Variants in CNTNAP2 observed in about 807,000 individuals in gnomAD.
CNTNAP2 encodes contactin associated protein 2.
Under a neutral mutation model 155.2 loss-of-function variants are expected in CNTNAP2, and 98 were observed. That is an observed-to-expected ratio of 0.63 (90% CI 0.54 to 0.75). CNTNAP2 has a LOEUF of 0.75. Among genes scored for constraint, CNTNAP2 ranks in the 30% least tolerant of loss-of-function variants. CNTNAP2 has a pLI of 0.00. For missense variants in CNTNAP2, 1,727 were observed against 1,688.1 expected, an observed-to-expected ratio of 1.02 and a Z score of -0.40; for synonymous variants, 651 against 631.2, an observed-to-expected ratio of 1.03 and a Z score of -0.47.
chr7:146,975,789 A>G (rs1281298591), intron 3 of CNTNAP2, among the ~76,000 whole-genome samples: 1 of 152,210 alleles, frequency 6.6e-6, no homozygotes, highest in African/African-American at 2.4e-5. Context: ...TAGACATTTC[A>G]GATATTTTAG....
intron 4 of CNTNAP2, among the ~76,000 whole-genome samples, chr7:147,066,521 T>A (rs1435400404): frequency 6.6e-6 from 1 of 152,246 alleles, no homozygotes. Flanking sequence ...TTGGATTTTA[T>A]AAATTCTATT....
chr7:147,950,910 T>C (rs972509051), intron 14 of CNTNAP2, among the ~76,000 whole-genome samples: 8 of 152,226 alleles, frequency 5.3e-5, no homozygotes, highest in African/African-American at 1.9e-4. Context: ...CTTATCTGTC[T>C]CTTCACTTTT....
intron 10 of CNTNAP2, among the ~76,000 whole-genome samples, chr7:147,477,489 G>A (rs1400460633): frequency 3.9e-5 from 6 of 151,926 alleles, no homozygotes; most frequent in Admixed American, 3.9e-4. Context: ...AATAGCTGTT[G>A]AGTTTATTTT....
In CNTNAP2 at chr7:147,627,711, AAAAG is replaced by A. The variant is rs1443122541; in HGVS notation, c.1898-11393_1898-11390del. Among the ~76,000 whole-genome samples, 733 of 143,348 alleles carry A rather than the reference AAAAG, an allele frequency of 5.1e-3. 8 individuals carry two copies. Among genetic ancestry groups the A allele is most frequent in the African/African-American group, 0.019 (689 of 37,212 alleles). 94.0% of individuals were successfully genotyped at this position (143,348 alleles called of 152,430 possible). A position where few individuals can be genotyped will look rare whatever the true frequency, so the allele number is the denominator to read the frequency against. ...TGTCTCAAAAAAAAAAAAAAAAAAA[AAAAG>A]ATATTAAAACAAAATACAGGATATG... On this transcript the variant is annotated intron_variant, in intron 12 of 23. Coordinates refer to ENST00000361727, the MANE Select transcript of CNTNAP2 (RefSeq NM_014141.6).
chr7:146,380,736 G>A (rs1023777336), intron 1 of CNTNAP2, among the ~76,000 whole-genome samples: 1 of 122,934 alleles, frequency 8.1e-6, no homozygotes, highest in African/African-American at 2.9e-5. Flanking sequence ...AAGTACATAT[G>A]TTACTAACTT....
intron 1 of CNTNAP2, among the ~76,000 whole-genome samples, chr7:146,272,537 C>A (rs1358277774): frequency 2.0e-5 from 3 of 152,170 alleles, no homozygotes; most frequent in Non-Finnish European, 4.4e-5. Context: ...GAAGTCCAAG[C>A]ACGGCTTTTT....
chr7:146,351,149 T>C (rs1398926982), intron 1 of CNTNAP2, among the ~76,000 whole-genome samples: 1 of 151,808 alleles, frequency 6.6e-6, no homozygotes, highest in East Asian at 1.9e-4. Flanking sequence ...CTGCACATTG[T>C]GCACATGTAC....
intron 21 of CNTNAP2, among the ~76,000 whole-genome samples, chr7:148,279,112 A>T (rs925660080): frequency 2.0e-5 from 3 of 152,260 alleles, no homozygotes; most frequent in Admixed American, 6.5e-5. Context: ...ATTTTATTCT[A>T]AATGAGATGA....
chr7:147,536,186 C>A (rs1358279134), intron 11 of CNTNAP2, among the ~76,000 whole-genome samples: 1 of 152,198 alleles, frequency 6.6e-6, no homozygotes, highest in Non-Finnish European at 1.5e-5. Flanking sequence ...ATTTTAAAAT[C>A]AATTCCTCCT....
intron 7 of CNTNAP2, among the ~76,000 whole-genome samples, chr7:147,130,648 A>T (rs964473985): frequency 5.3e-5 from 8 of 152,150 alleles, no homozygotes; most frequent in African/African-American, 9.7e-5. Context: ...AACCCTGCAA[A>T]GACAAGTGTT....
chr7:146,267,917 T>C (rs1800020609), intron 1 of CNTNAP2, among the ~76,000 whole-genome samples: 1 of 152,156 alleles, frequency 6.6e-6, no homozygotes. Flanking sequence ...ATTCATTTGA[T>C]CAATAAACAT....
chr7:147,147,178 C>T (rs1054259081), intron 8 of CNTNAP2, among the ~76,000 whole-genome samples: 1 of 151,946 alleles, frequency 6.6e-6, no homozygotes, highest in Non-Finnish European at 1.5e-5. Context: ...GGGGAAAGAC[C>T]CCCTTATAAA....
chr7:148,244,684 T>C (rs1357879088), intron 20 of CNTNAP2, among the ~76,000 whole-genome samples: 2 of 151,780 alleles, frequency 1.3e-5, no homozygotes, highest in East Asian at 1.9e-4. Flanking sequence ...TGCCTCAGCC[T>C]CCCGAGTAGC....
At chr7:146,921,053 G>C (rs1352229766) in intron 3 of CNTNAP2, among the ~76,000 whole-genome samples, 1 of 152,142 alleles carries the variant, frequency 6.6e-6, no homozygotes, top group Non-Finnish European at 1.5e-5. Context: ...CATGTTGTAT[G>C]ATTCCATGAA....
At chr7:147,112,773 A>G (rs994335991) in intron 5 of CNTNAP2, among the ~76,000 whole-genome samples, 14 of 152,168 alleles carry the variant, frequency 9.2e-5, no homozygotes, top group African/African-American at 3.4e-4. Flanking sequence ...TCAGTTTGCC[A>G]TAACTTTGTT....
At chr7:148,127,927 T>TG (rs1250528946) in intron 16 of CNTNAP2, among the ~76,000 whole-genome samples, 1 of 152,172 alleles carries the variant, frequency 6.6e-6, no homozygotes, top group Admixed American at 6.5e-5. Flanking sequence ...TGGAGTGCAG[T>TG]GGTGCAATCT....
At chr7:147,299,422 T>C (rs1794900361) in intron 8 of CNTNAP2, among the ~76,000 whole-genome samples, 1 of 143,324 alleles carries the variant, frequency 7.0e-6, no homozygotes, top group Non-Finnish European at 1.5e-5. Context: ...GCATTCTTGA[T>C]TTATTTTGCT....
intron 19 of CNTNAP2, among the ~76,000 whole-genome samples, chr7:148,225,451 G>A (rs1379023193): frequency 6.6e-6 from 1 of 152,152 alleles, no homozygotes; most frequent in African/African-American, 2.4e-5. Flanking sequence ...GGAACAGGAA[G>A]CCAATGTGGA....
intron 1 of CNTNAP2, among the ~76,000 whole-genome samples, chr7:146,501,149 A>G (rs1797294808): frequency 1.3e-5 from 2 of 152,078 alleles, no homozygotes; most frequent in South Asian, 4.1e-4. Context: ...ATTTTTACAT[A>G]CATATTAATA....
Sources: allele counts gnomAD v4.1 joint callset (sites outside exome capture counted in the v4.1 genomes callset), GRCh38; gene constraint gnomAD v4.1.1; transcripts MANE v1.5; gene names NCBI Gene and HGNC (gene_info 2026-07-23, HGNC 2026-07-21).